Variants in KSR2 observed in about 807,000 individuals in gnomAD.
The protein encoded by KSR2 is kinase suppressor of ras 2.
KSR2 carries 25 observed loss-of-function variants against 107.8 expected under a neutral mutation model. That is an observed-to-expected ratio of 0.23 (90% confidence interval 0.17 to 0.32). The LOEUF is 0.32. Among genes scored for constraint, KSR2 ranks in the 10% least tolerant of loss-of-function variants. The pLI, the probability that KSR2 is intolerant of heterozygous loss-of-function variation, is 1.00. For synonymous variants in KSR2, 480 were observed against 507.0 expected, an observed-to-expected ratio of 0.95 and a Z score of 0.71; for missense variants, 887 against 1,268.9, an observed-to-expected ratio of 0.70 and a Z score of 4.57.
chr12:117,520,811 G>C (rs915430066), intron 14 of KSR2, among the ~76,000 whole-genome samples: 9 of 152,088 alleles, frequency 5.9e-5, no homozygotes, highest in African/African-American at 1.9e-4. Context: ...TATAACTGAG[G>C]GTTCAAACCT....
At chr12:117,651,333 C>T (rs1883897705) in intron 5 of KSR2, among the ~76,000 whole-genome samples, 1 of 152,218 alleles carries the variant, frequency 6.6e-6, no homozygotes, top group Non-Finnish European at 1.5e-5. Context: ...TATAACCACA[C>T]TCAAGTCCCA....
rs527951455 is a variant in KSR2 at position 117,894,006 on chromosome 12, T to C, written c.181-33575A>G. On this transcript the variant is annotated intron_variant, in intron 1 of 19. Transcript: ENST00000339824. ...CTCACTGCAAGCTCCGCCTCCCGGG[T>C]TCACGCCATTCTCCTGCCTCAGCCT... Among the ~76,000 whole-genome samples, 21 of 148,932 alleles carry C rather than the reference T, an allele frequency of 1.4e-4. No homozygotes were observed. In the South Asian group the frequency reaches 4.2e-3, roughly 30 times the overall value.
chr12:117,806,805 T>C (rs1453075518), intron 3 of KSR2, among the ~76,000 whole-genome samples: 1 of 152,230 alleles, frequency 6.6e-6, no homozygotes, highest in African/African-American at 2.4e-5. Flanking sequence ...TCTAATCTTT[T>C]TGAGGTTCAT....
chr12:117,629,311 T>C (rs1323599325), intron 5 of KSR2, among the ~76,000 whole-genome samples: 5 of 152,240 alleles, frequency 3.3e-5, no homozygotes, highest in Admixed American at 6.5e-5. Flanking sequence ...AGACCAGAGC[T>C]GTTCCTATTT....
intron 7 of KSR2, among the ~76,000 whole-genome samples, chr12:117,578,201 A>G (rs1879404027): frequency 6.6e-6 from 1 of 152,126 alleles, no homozygotes; most frequent in Non-Finnish European, 1.5e-5. Context: ...ACTTCTTCAC[A>G]GTGACTTTTC....
chr12:117,840,962 G>T (rs1313538661), intron 3 of KSR2, among the ~76,000 whole-genome samples: 1 of 151,248 alleles, frequency 6.6e-6, no homozygotes, highest in Non-Finnish European at 1.5e-5. Context: ...AGATTAAGCC[G>T]CTGCAATCTA....
intron 12 of KSR2, among the ~76,000 whole-genome samples, chr12:117,529,615 TACA>T (rs1307943612): frequency 1.3e-5 from 2 of 152,170 alleles, no homozygotes; most frequent in Non-Finnish European, 2.9e-5. Flanking sequence ...CAGCATTATT[TACA>T]ACAATGAAAT....
chr12:117,529,799 T>C (rs1875484354), intron 12 of KSR2, among the ~76,000 whole-genome samples: 1 of 151,882 alleles, frequency 6.6e-6, no homozygotes, highest in Non-Finnish European at 1.5e-5. Flanking sequence ...ACCTAGGAGT[T>C]TGAGACCCAC....
chr12:117,870,891 G>A (rs59046269), intron 1 of KSR2, among the ~76,000 whole-genome samples: 26,824 of 152,166 alleles, frequency 0.18, 2,661 homozygotes, highest in African/African-American at 0.24. Flanking sequence ...TCATCTTGGG[G>A]AACAAGAGTG....
rs149092370 is a variant in KSR2, at chr12:117,961,886, G to A, written c.180+6190C>T. 1.1e-3 allele frequency among the ~76,000 whole-genome samples: 165 copies of A among 152,230 alleles called. 1 individual carries two copies. The highest frequency in any genetic ancestry group is 3.5e-3 in the African/African-American group (147 of 41,516). On this transcript the variant is annotated intron_variant, in intron 1 of 19. Transcript: ENST00000339824. ...GGAGGCCAGGCGTGGTGATTACACC[G>A]GTAATCCCAGCACTTTGGGAGGCCA... is the stretch of plus-strand genomic sequence containing the variant.
chr12:117,526,350 G>A (rs1266287872), intron 13 of KSR2, among the ~76,000 whole-genome samples: 1 of 152,156 alleles, frequency 6.6e-6, no homozygotes, highest in Non-Finnish European at 1.5e-5. Context: ...AGGTGGCCAG[G>A]GCCAGCGGGG....
At chr12:117,759,823 C>T (rs1184880746) in intron 4 of KSR2, among the ~76,000 whole-genome samples, 2 of 152,122 alleles carry the variant, frequency 1.3e-5, no homozygotes, top group African/African-American at 2.4e-5. Context: ...GAAGTTCCTC[C>T]CAGGTCGGGC....
At chr12:117,950,596 C>A (rs896893857) in intron 1 of KSR2, among the ~76,000 whole-genome samples, 3 of 151,544 alleles carry the variant, frequency 2.0e-5, no homozygotes, top group Non-Finnish European at 4.4e-5. Context: ...AAAAAATTAG[C>A]CAGGCATGGT....
At position 117,456,951 on chromosome 12, in the gene KSR2, T is replaced by C. The variant is rs192464340; in HGVS notation, c.*10248A>G. 38 of 152,316 alleles carry C rather than the reference T, an allele frequency of 2.5e-4. No individual in the cohort carries two copies. The highest frequency in any genetic ancestry group is 9.1e-4 in the African/African-American group (38 of 41,560). 9.4% of individuals were successfully genotyped at this position (152,316 alleles called of 1,614,324 possible). A position where few individuals can be genotyped will look rare whatever the true frequency, so the allele number is the denominator to read the frequency against. On this transcript the variant is annotated 3_prime_UTR_variant, in exon 20 of 20. Coordinates refer to ENST00000339824, the MANE Select transcript of KSR2 (RefSeq NM_173598.6). ...GGAAGGTAGAAAAGGCCCTTCACTA[T>C]CTGGGAGACTTTCCTTCCTGGGGAA...
At chr12:117,753,869 A>T (rs1888694287) in intron 4 of KSR2, among the ~76,000 whole-genome samples, 1 of 151,396 alleles carries the variant, frequency 6.6e-6, no homozygotes, top group Non-Finnish European at 1.5e-5. Flanking sequence ...CATATTTCCC[A>T]CTGTCTTCAT....
intron 3 of KSR2, among the ~76,000 whole-genome samples, chr12:117,835,963 GTC>G (rs1892194924): frequency 6.6e-6 from 1 of 151,984 alleles, no homozygotes; most frequent in African/African-American, 2.4e-5. Flanking sequence ...CCTCCAGACA[GTC>G]TGCAGTTAGG....
intron 3 of KSR2, among the ~76,000 whole-genome samples, chr12:117,831,399 T>C (rs1294909424): frequency 6.6e-6 from 1 of 152,184 alleles, no homozygotes; most frequent in Non-Finnish European, 1.5e-5. Context: ...CTTTGCCTCT[T>C]TGAGACCTGA....
intron 4 of KSR2, among the ~76,000 whole-genome samples, chr12:117,678,536 CT>C (rs1200659697): frequency 6.6e-6 from 1 of 152,144 alleles, no homozygotes; most frequent in Non-Finnish European, 1.5e-5. Flanking sequence ...AGGAGTTTTC[CT>C]CCAGGTACAA....
chr12:117,825,595 A>G (rs1891713966), intron 3 of KSR2, among the ~76,000 whole-genome samples: 6 of 152,196 alleles, frequency 3.9e-5, no homozygotes, highest in Admixed American at 3.3e-4. Flanking sequence ...CTAGCTAGCT[A>G]ACATGGCTCC....
Sources: gnomAD v4.1 joint callset for allele counts (sites outside exome capture counted in the v4.1 genomes callset) on GRCh38, gnomAD v4.1.1 for gene constraint, MANE v1.5 for transcripts, NCBI Gene and HGNC (gene_info 2026-07-23, HGNC 2026-07-21) for gene names.